Variants in UBE2E3 observed in about 807,000 individuals in gnomAD.
UBE2E3 encodes ubiquitin-conjugating enzyme E2 E3.
In UBE2E3, 5 loss-of-function variants were observed where a neutral mutation model predicts 23.6. The observed-to-expected ratio is 0.21, with a 90% CI of 0.11 to 0.44. UBE2E3 has a LOEUF of 0.44. UBE2E3 is among the 20% of genes least tolerant of loss of function. UBE2E3 has a pLI of 0.99. For missense variants in UBE2E3, 81 were observed against 249.8 expected (o/e 0.32, Z 4.55); for synonymous variants, 78 against 87.5 (o/e 0.89, Z 0.60).
intron 3 of UBE2E3, among the ~76,000 whole-genome samples, chr2:181,038,033 G>A (rs944486443): frequency 6.6e-6 from 1 of 152,134 alleles, no homozygotes; most frequent in South Asian, 2.1e-4. Flanking sequence ...AAGTATTTTT[G>A]TATAAATTTA....
chr2:181,030,658 T>C (rs186928228), intron 3 of UBE2E3, among the ~76,000 whole-genome samples: 1 of 152,166 alleles, frequency 6.6e-6, no homozygotes, highest in Admixed American at 6.5e-5. Flanking sequence ...TGAAATTTGA[T>C]AGAAGTCTCC....
chr2:181,039,621 G>A (rs1162981376), intron 3 of UBE2E3, among the ~76,000 whole-genome samples: 1 of 150,622 alleles, frequency 6.6e-6, no homozygotes. Flanking sequence ...AAAAACAAGT[G>A]TACAAATGCT....
chr2:181,019,500 C>G (rs1410151199), intron 3 of UBE2E3, among the ~76,000 whole-genome samples: 1 of 152,098 alleles, frequency 6.6e-6, no homozygotes, highest in African/African-American at 2.4e-5. Flanking sequence ...GAAACCACAG[C>G]ATATATTTTA....
intron 3 of UBE2E3, among the ~76,000 whole-genome samples, chr2:181,053,977 T>TA (rs1258324719): frequency 1.3e-5 from 2 of 151,850 alleles, no homozygotes; most frequent in Admixed American, 1.3e-4. Context: ...TTCTCCCACT[T>TA]ACTAATATGC....
intron 3 of UBE2E3, among the ~76,000 whole-genome samples, chr2:181,021,578 C>T (rs6147054): frequency 0.053 from 2,900 of 54,562 alleles, 14 homozygotes; most frequent in East Asian, 0.16. Flanking sequence ...CTTCCTCCCT[C>T]CCTCCCTTCC....
chr2:181,055,442 C>A (rs1172457641), intron 3 of UBE2E3, among the ~76,000 whole-genome samples: 1 of 151,610 alleles, frequency 6.6e-6, no homozygotes, highest in East Asian at 2.0e-4. Context: ...CCCTTCCTGA[C>A]CCCTTCCCAT....
At chr2:181,057,623 C>A in intron 3 of UBE2E3, 70 bp from the exon 4 acceptor site, 2 of 1,324,946 alleles carry the variant, frequency 1.5e-6, no homozygotes, top group Non-Finnish European at 2.1e-6. Context: ...TTTAACACTT[C>A]CCTGGTTTTA....
chr2:181,057,634 G>A (rs1022866564), intron 3 of UBE2E3, 59 bp from the exon 4 acceptor site: 1 of 1,399,174 alleles, frequency 7.1e-7, no homozygotes, highest in African/African-American at 1.4e-5. Flanking sequence ...CCTGGTTTTA[G>A]GATATTAACA....
intron 3 of UBE2E3, among the ~76,000 whole-genome samples, chr2:180,990,735 C>G (rs6433879): frequency 6.6e-6 from 1 of 152,078 alleles, no homozygotes; most frequent in South Asian, 2.1e-4. Flanking sequence ...ACTAGGAGTA[C>G]TAAAGTAACA....
intron 4 of UBE2E3, 30 bp from the exon 5 acceptor site, chr2:181,060,635 T>G (rs757089602): frequency 1.9e-6 from 3 of 1,553,440 alleles, no homozygotes; most frequent in Admixed American, 1.9e-5. Context: ...GCATTCATTT[T>G]CCTTCTGTTT....
rs1455149387 is a variant in UBE2E3 at position 181,062,934 on chromosome 2, C to T, written c.*46C>T. On this transcript the variant is annotated 3_prime_UTR_variant, in exon 6 of 6. Coordinates refer to ENST00000410062, the MANE Select transcript of UBE2E3 (RefSeq NM_006357.4). ...TGTGAAGGAGCAGAAGGCATCTTCT[C>T]ACTGTGCTGCAAATCTTTATAGCCT... 2 of 1,185,646 alleles carry T rather than the reference C, an allele frequency of 1.7e-6. No homozygotes were observed. Among genetic ancestry groups the T allele is most frequent in the African/African-American group, 3.0e-5 (2 of 66,044 alleles). 73.4% of individuals were successfully genotyped at this position (1,185,646 alleles called of 1,614,324 possible). A position where few individuals can be genotyped will look rare whatever the true frequency, so the allele number is the denominator to read the frequency against.
intron 3 of UBE2E3, among the ~76,000 whole-genome samples, chr2:180,996,798 T>C (rs1269573571): frequency 2.0e-5 from 3 of 152,204 alleles, no homozygotes; most frequent in Non-Finnish European, 2.9e-5. Flanking sequence ...TAGTTGTGTT[T>C]CTTACATAAA....
At chr2:181,040,595 A>C (rs1033480329) in intron 3 of UBE2E3, among the ~76,000 whole-genome samples, 2 of 152,216 alleles carry the variant, frequency 1.3e-5, no homozygotes, top group Admixed American at 1.3e-4. Context: ...GTTAGAATGA[A>C]ATGTAATTTC....
At chr2:181,031,572 G>C (rs899114471) in intron 3 of UBE2E3, among the ~76,000 whole-genome samples, 1 of 151,876 alleles carries the variant, frequency 6.6e-6, no homozygotes, top group African/African-American at 2.4e-5. Flanking sequence ...ATTATGATAG[G>C]GGTTTGTTAC....
At chr2:181,057,955 TC>T in intron 4 of UBE2E3, 130 bp downstream of exon 4, 2 of 967,394 alleles carry the variant, frequency 2.1e-6, no homozygotes, top group South Asian at 4.0e-5. Context: ...ATGGAAATTT[TC>T]GCATAATCAA....
chr2:181,005,739 C>G (rs531393082), intron 3 of UBE2E3, among the ~76,000 whole-genome samples: 2 of 152,108 alleles, frequency 1.3e-5, no homozygotes, highest in South Asian at 4.1e-4. Flanking sequence ...TTTAACAGAC[C>G]TACATTTTTA....
At chr2:181,021,586 T>TCCTTCCTCCCTCCCTC (rs1685688995) in intron 3 of UBE2E3, among the ~76,000 whole-genome samples, 2 of 57,706 alleles carry the variant, frequency 3.5e-5, no homozygotes, top group Admixed American at 2.1e-4. Flanking sequence ...CTCCCTCCCT[T>TCCTTCCTCCCTCCCTC]CCTTCCTCCC....
intron 3 of UBE2E3, among the ~76,000 whole-genome samples, chr2:181,026,670 C>T (rs1241277824): frequency 2.0e-5 from 3 of 151,748 alleles, no homozygotes; most frequent in African/African-American, 7.3e-5. Flanking sequence ...CCGGCCCTTT[C>T]GTGTATGAGA....
chr2:180,989,021 G>A (rs1226466021), intron 3 of UBE2E3, among the ~76,000 whole-genome samples: 1 of 152,010 alleles, frequency 6.6e-6, no homozygotes, highest in Non-Finnish European at 1.5e-5. Context: ...ATCCCATTAT[G>A]CCGTGGGTGG....
Sources: allele counts gnomAD v4.1 joint callset (sites outside exome capture counted in the v4.1 genomes callset), GRCh38; gene constraint gnomAD v4.1.1; transcripts MANE v1.5; gene names NCBI Gene and HGNC (gene_info 2026-07-23, HGNC 2026-07-21).